LIN7B: variants seen among roughly 807,000 people sequenced by gnomAD.
The protein encoded by LIN7B is protein lin-7 homolog B.
A neutral mutation model predicts 27.9 loss-of-function variants in LIN7B; 16 were observed. The ratio of observed to expected loss-of-function variants is 0.57; its 90% CI spans 0.39 to 0.87. The LOEUF is 0.87. Among genes scored for constraint, LIN7B ranks in the 40% least tolerant of loss-of-function variants. The pLI is 0.00. For missense variants in LIN7B, 291 were observed against 288.5 expected (o/e 1.01, Z -0.06); for synonymous variants, 147 against 120.8 (o/e 1.22, Z -1.42).
intron 4 of LIN7B, 113 bp from the exon 5 acceptor site, chr19:49,117,742 C>T: frequency 1.2e-6 from 1 of 865,602 alleles, no homozygotes; most frequent in Non-Finnish European, 1.9e-6. Flanking sequence ...GGACATGAGG[C>T]ATTGACATCT....
Position 49,116,988 on chromosome 19 carries a change from G to A in LIN7B, c.438+516G>A, listed in dbSNP as rs557045363. ...AGGCTGGGTGCGGTGGCTCACACCT[G>A]TAATCCCAGCACTTTGGGAGGCTGA... On this transcript the variant is annotated intron_variant, in intron 4 of 5. Transcript: ENST00000221459. Among the ~76,000 whole-genome samples, 4 of 152,204 alleles carry A rather than the reference G, an allele frequency of 2.6e-5. No homozygotes were observed. The South Asian group carries it at 8.3e-4, about 32-fold the overall frequency.
Position 49,114,460 on chromosome 19 carries a change from GC to G in LIN7B, c.37+22del. Reference sequence around the variant, plus strand: ...GAGCGGGGTAAGCGTGCGCCAGGGGGCCCTGCCCACCCGGGCCGCGGCCTAC... The same window carrying G: ...GAGCGGGGTAAGCGTGCGCCAGGGGGCCTGCCCACCCGGGCCGCGGCCTAC... On this transcript the variant is annotated intron_variant, in intron 1 of 5. Transcript: ENST00000221459. 8.3e-7 allele frequency: 1 copy of G among 1,208,048 alleles called. No individual in the cohort carries two copies. Among genetic ancestry groups the G allele is most frequent in the Non-Finnish European group, 1.0e-6 (1 of 972,290 alleles). The allele number at this position is 1,208,048 out of a possible 1,614,324, so 74.8% of individuals were successfully genotyped here.
At chr19:49,116,828 C>A (rs1415114626) in intron 4 of LIN7B, among the ~76,000 whole-genome samples, 1 of 152,192 alleles carries the variant, frequency 6.6e-6, no homozygotes, top group Non-Finnish European at 1.5e-5. Context: ...GTTCTCCAGG[C>A]AAACAAGGTA....
chr19:49,117,274 TG>T (rs2040842889), intron 4 of LIN7B, among the ~76,000 whole-genome samples: 1 of 143,156 alleles, frequency 7.0e-6, no homozygotes, highest in Admixed American at 7.0e-5. Flanking sequence ...CAAAACTCAC[TG>T]TGGTTAGAGT....
chr19:49,116,232 C>G (rs1310031762), intron 3 of LIN7B, 31 bp from the exon 4 acceptor site: 5 of 1,590,078 alleles, frequency 3.1e-6, no homozygotes, highest in Non-Finnish European at 3.4e-6. Context: ...CTGGAAGGGG[C>G]CCTCATCTTC....
chr19:49,115,133 T>C lies in LIN7B; in HGVS notation c.157-127T>C, dbSNP rs184447115. ...GGGTTCTTCGGGAGTTGTAGTTTTC[T>C]CGGCCTTCTGTTGCGGGGGCGGGGC... On this transcript the variant is annotated intron_variant, in intron 2 of 5. Transcript: ENST00000221459. The C allele has an allele frequency of 9.7e-4, 931 of 963,602 alleles. 9 individuals are homozygous for C. The African/African-American group carries it at 0.015, about 15-fold the overall frequency. 59.7% of individuals were successfully genotyped at this position (963,602 alleles called of 1,614,324 possible).
intron 4 of LIN7B, among the ~76,000 whole-genome samples, chr19:49,117,425 CAGA>C (rs2040846062): frequency 6.6e-6 from 1 of 151,862 alleles, no homozygotes; most frequent in South Asian, 2.1e-4. Flanking sequence ...CTTGCAGGTG[CAGA>C]AGGACCACTC....
chr19:49,115,235 C>T, intron 2 of LIN7B, 25 bp from the exon 3 acceptor site: 8 of 1,545,532 alleles, frequency 5.2e-6, no homozygotes, highest in Non-Finnish European at 6.1e-6. Context: ...TGGCGACTCC[C>T]TGATGCCGCT....
At position 49,118,116 on chromosome 19, in the gene LIN7B, G is replaced by A. The variant is rs553867757; in HGVS notation, c.602+98G>A. Reference sequence around the variant, plus strand: ...AGTGCTTCCTGGATCTTCCAGCCCTGGCCCCTCCTCTGGGATCCTGACCCT... The same window carrying A: ...AGTGCTTCCTGGATCTTCCAGCCCTAGCCCCTCCTCTGGGATCCTGACCCT... On this transcript the variant is annotated intron_variant, in intron 5 of 5. Transcript: ENST00000221459. The A allele has an allele frequency of 8.5e-5, 131 of 1,543,346 alleles. No homozygotes were observed. In the African/African-American group the frequency reaches 1.7e-3, roughly 20 times the overall value.
intron 3 of LIN7B, chr19:49,115,609 C>A (rs1053302970): frequency 4.2e-5 from 14 of 336,130 alleles, no homozygotes; most frequent in Admixed American, 4.8e-5. Flanking sequence ...TGACCTCTCA[C>A]TGCACAATAG....
At chr19:49,116,633 A>G (rs1419153375) in intron 4 of LIN7B, among the ~76,000 whole-genome samples, 161 bp downstream of exon 4, 2 of 152,218 alleles carry the variant, frequency 1.3e-5, no homozygotes, top group African/African-American at 4.8e-5. Context: ...TCAGCTCCCT[A>G]CACTCAACCT....
At chr19:49,118,261 C>T (rs2040868704) in intron 5 of LIN7B, 91 bp from the exon 6 acceptor site, 2 of 1,465,778 alleles carry the variant, frequency 1.4e-6, no homozygotes, top group Non-Finnish European at 1.9e-6. Context: ...AGCCCACTTA[C>T]CTGGGCCCTT....
At chr19:49,118,076 C>G (rs2040863807) in intron 5 of LIN7B, 58 bp downstream of exon 5, 2 of 1,598,272 alleles carry the variant, frequency 1.3e-6, no homozygotes, top group South Asian at 2.2e-5. Context: ...TAACCCCAGG[C>G]TCCCAAACCA....
intron 4 of LIN7B, among the ~76,000 whole-genome samples, chr19:49,117,071 T>C (rs4802564): frequency 0.44 from 66,652 of 151,170 alleles, 15,007 homozygotes; most frequent in African/African-American, 0.52. Context: ...CATGGTGAAA[T>C]CCCATCTCTA....
Position 49,115,323 on chromosome 19 carries a change from A to G in LIN7B, c.220A>G (p.Thr74Ala). The G allele has an allele frequency of 1.3e-6, 2 of 1,572,230 alleles. No homozygotes were observed. The highest frequency in any genetic ancestry group is 1.7e-6 in the Non-Finnish European group (2 of 1,157,738). ...CAGCGCCGAGATCCGAGCCCATGCC[A>G]CAGCCAAGGTGGGCCCCGCACCCCA... ...TGSAEIRAHATAKATVAAFTA... is the reference protein window; with the variant it reads ...TGSAEIRAHAAAKATVAAFTA... Residue 74 changes from threonine (T) to alanine (A), a missense_variant, in exon 3 of 6, where the codon ACA becomes GCA. Coordinates refer to ENST00000221459, the MANE Select transcript of LIN7B (RefSeq NM_022165.3).
chr19:49,117,581 G>A (rs534065301), intron 4 of LIN7B, among the ~76,000 whole-genome samples: 52 of 152,226 alleles, frequency 3.4e-4, no homozygotes, highest in African/African-American at 1.2e-3. Context: ...CAAGGCGGGC[G>A]GACATTAGTG....
intron 3 of LIN7B, chr19:49,115,532 A>G: frequency 1.7e-6 from 1 of 574,838 alleles, no homozygotes; most frequent in Non-Finnish European, 3.1e-6. Flanking sequence ...TGGAAACAGT[A>G]TGGCATGGTT....
chr19:49,115,408 T>TA, intron 3 of LIN7B, 77 bp downstream of exon 3: 1 of 1,284,112 alleles, frequency 7.8e-7, no homozygotes, highest in East Asian at 2.7e-5. Context: ...ATGCCAGTCA[T>TA]TTCTGTTTCC....
rs1005900182 is a variant in LIN7B at position 49,114,883 on chromosome 19, C to G, written c.72C>G (p.Leu24=). The change falls in exon 2 of 6, where the codon CTC becomes CTG. Residue 24 remains leucine (L), a synonymous_variant. Coordinates refer to ENST00000221459, the MANE Select transcript of LIN7B (RefSeq NM_022165.3). ...GGGCGGTTGAGCTCCTCGAGCGGCT[C>G]CAGCGCAGCGGGGAGCTGCCGCCGC... The part of the protein sequence containing the change: ...VSRAVELLER[L]QRSGELPPQK... 2 of 1,477,826 alleles carry G rather than the reference C, an allele frequency of 1.4e-6. No homozygotes were observed. The highest frequency in any genetic ancestry group is 1.8e-6 in the Non-Finnish European group (2 of 1,118,504). The allele number at this position is 1,477,826 out of a possible 1,614,324, so 91.5% of individuals were successfully genotyped here. A position where few individuals can be genotyped will look rare whatever the true frequency, so the allele number is the denominator to read the frequency against.
Sources: allele counts gnomAD v4.1 joint callset (sites outside exome capture counted in the v4.1 genomes callset), GRCh38; gene constraint gnomAD v4.1.1; transcripts MANE v1.5; gene names NCBI Gene and HGNC (gene_info 2026-07-23, HGNC 2026-07-21).